FAM241A: variants seen among roughly 807,000 people sequenced by gnomAD.
The protein encoded by FAM241A is family with sequence similarity 241 member A.
A neutral mutation model predicts 12.2 loss-of-function variants in FAM241A; 7 were observed. That is an observed-to-expected ratio of 0.58 (90% CI 0.33 to 1.08). FAM241A has a LOEUF of 1.08. FAM241A is among the 50% of genes least tolerant of loss of function. The probability of loss-of-function intolerance (pLI) is 0.04; values close to 1 mark genes in which losing one functional copy is unlikely to be tolerated. For synonymous variants in FAM241A, 74 were observed against 68.2 expected (o/e 1.08, Z -0.42); for missense variants, 161 against 169.7 (o/e 0.95, Z 0.29).
chr4:112,193,718 G>C lies in FAM241A; in HGVS notation c.*6780G>C, dbSNP rs1251077030. 6.6e-6 allele frequency: 1 copy of C among 152,004 alleles called. No individual in the cohort carries two copies. Among genetic ancestry groups the C allele is most frequent in the Non-Finnish European group, 1.5e-5 (1 of 68,026 alleles). 9.4% of individuals were successfully genotyped at this position (152,004 alleles called of 1,614,324 possible). On this transcript the variant is annotated 3_prime_UTR_variant, in exon 2 of 2. Transcript: ENST00000309733. ...TTCCATTGATCTATATCTCTGTTTT[G>C]GTACCAGTACCATGCTGTTTTGGTT...
intron 1 of FAM241A, among the ~76,000 whole-genome samples, chr4:112,166,637 G>C (rs879482039): frequency 6.6e-6 from 1 of 152,136 alleles, no homozygotes; most frequent in Non-Finnish European, 1.5e-5. Flanking sequence ...ATCCTGGCTG[G>C]CTGATTTGGG....
chr4:112,151,604 C>A (rs146340726), intron 1 of FAM241A, among the ~76,000 whole-genome samples: 1 of 152,248 alleles, frequency 6.6e-6, no homozygotes, highest in Admixed American at 6.5e-5. Flanking sequence ...TGCCCATGGA[C>A]CACATTTTGG....
At chr4:112,184,751 A>AT (rs528558880) in intron 1 of FAM241A, among the ~76,000 whole-genome samples, 3 of 151,888 alleles carry the variant, frequency 2.0e-5, no homozygotes, top group South Asian at 2.1e-4. Context: ...CAAAAGTTAG[A>AT]TTTTTTTTCA....
chr4:112,149,882 C>T (rs1025710575), intron 1 of FAM241A, among the ~76,000 whole-genome samples: 1 of 151,878 alleles, frequency 6.6e-6, no homozygotes, highest in African/African-American at 2.4e-5. Context: ...AATATTTTCT[C>T]TGCTTGCTAT....
chr4:112,145,962 G>C (rs796222010), intron 1 of FAM241A, among the ~76,000 whole-genome samples: 1 of 152,014 alleles, frequency 6.6e-6, no homozygotes, highest in Admixed American at 6.5e-5. Context: ...CCGGGGTCGC[G>C]TGTCTGGCGG....
chr4:112,146,776 C>T (rs1723146080), intron 1 of FAM241A, among the ~76,000 whole-genome samples: 2 of 152,200 alleles, frequency 1.3e-5, no homozygotes, highest in South Asian at 4.1e-4. Flanking sequence ...ACTTAGGAAA[C>T]AGAGTAATAC....
intron 1 of FAM241A, among the ~76,000 whole-genome samples, chr4:112,168,549 T>G (rs1267497759): frequency 6.6e-6 from 1 of 152,232 alleles, no homozygotes; most frequent in East Asian, 1.9e-4. Context: ...GTTAGATTCA[T>G]AAGTACTGTT....
At chr4:112,179,943 A>ATATATATATATATATATATATGTG (rs1553921438) in intron 1 of FAM241A, among the ~76,000 whole-genome samples, 1 of 129,514 alleles carries the variant, frequency 7.7e-6, no homozygotes, top group Non-Finnish European at 1.6e-5. Flanking sequence ...ATATATGTAT[A>ATATATATATATATATATATATGTG]TGTGTGTGTG....
rs751157231 is a variant in FAM241A at position 112,186,719 on chromosome 4, T to C, written c.180T>C (p.Thr60=). The change falls in exon 2 of 2, where the codon ACT becomes ACC. Residue 60 remains threonine (T), a synonymous_variant. Coordinates refer to ENST00000309733, the MANE Select transcript of FAM241A (RefSeq NM_152400.3). Reference sequence around the variant, plus strand: ...ATGTTGAAGACTCACAGAACCACACTGGTGAGCCGGTTGGAGATGACTACA... The same window carrying C: ...ATGTTGAAGACTCACAGAACCACACCGGTGAGCCGGTTGGAGATGACTACA... ...EQDVEDSQNH[T]GEPVGDDYKK... is the part of the protein sequence containing the mutation. 5 of 1,613,538 alleles carry C rather than the reference T, an allele frequency of 3.1e-6. No homozygotes were observed. The highest frequency in any genetic ancestry group is 4.2e-6 in the Non-Finnish European group (5 of 1,179,664).
At chr4:112,176,274 A>T (rs895107912) in intron 1 of FAM241A, among the ~76,000 whole-genome samples, 1 of 152,242 alleles carries the variant, frequency 6.6e-6, no homozygotes, top group African/African-American at 2.4e-5. Context: ...TACAATAGAG[A>T]ATAGAAGTAA....
chr4:112,183,545 A>G (rs113994900), intron 1 of FAM241A, among the ~76,000 whole-genome samples: 36 of 152,258 alleles, frequency 2.4e-4, no homozygotes, highest in African/African-American at 8.7e-4. Context: ...AAACCTTCAG[A>G]CAGTACCTAC....
chr4:112,190,914 C>G lies in FAM241A; in HGVS notation c.*3976C>G, dbSNP rs544567336. The G allele has an allele frequency of 9.8e-5, 15 of 152,358 alleles. 1 individual carries two copies. The highest frequency in any genetic ancestry group is 3.4e-4 in the African/African-American group (14 of 41,550). The allele number at this position is 152,358 out of a possible 1,614,324, so 9.4% of individuals were successfully genotyped here. A position where few individuals can be genotyped will look rare whatever the true frequency, so the allele number is the denominator to read the frequency against. ...ACACAGCAGCTCGGCAATGTCACCACTCCCGTGGCTGCAGAGTTACCATTT... is the reference window on the plus strand; with the variant it reads ...ACACAGCAGCTCGGCAATGTCACCAGTCCCGTGGCTGCAGAGTTACCATTT... On this transcript the variant is annotated 3_prime_UTR_variant, in exon 2 of 2. Coordinates refer to ENST00000309733, the MANE Select transcript of FAM241A (RefSeq NM_152400.3).
intron 1 of FAM241A, among the ~76,000 whole-genome samples, chr4:112,150,496 A>G (rs1723226112): frequency 2.0e-5 from 3 of 152,366 alleles, no homozygotes; most frequent in African/African-American, 7.2e-5. Context: ...ATAATGTCTC[A>G]TTTCTATTTC....
At chr4:112,168,142 A>C (rs1352390876) in intron 1 of FAM241A, among the ~76,000 whole-genome samples, 2 of 152,204 alleles carry the variant, frequency 1.3e-5, no homozygotes, top group Non-Finnish European at 2.9e-5. Context: ...CATTCACCTA[A>C]AGTTAAAACA....
At position 112,171,341 on chromosome 4, in the gene FAM241A, C is replaced by A. The variant is rs1578375956; in HGVS notation, c.154-15352C>A. Reference sequence around the variant, plus strand: ...ATGCCCAGGGAAAGCGGTGTTACGACAAGAAGCAGAGTGACTATGGGGGAC... The same window carrying A: ...ATGCCCAGGGAAAGCGGTGTTACGAAAAGAAGCAGAGTGACTATGGGGGAC... On this transcript the variant is annotated intron_variant, in intron 1 of 1. Coordinates refer to ENST00000309733, the MANE Select transcript of FAM241A (RefSeq NM_152400.3). 3.7e-5 allele frequency: 28 copies of A among 754,106 alleles called. No individual in the cohort carries two copies. In the East Asian group the frequency reaches 7.0e-4, roughly 19 times the overall value. The allele number at this position is 754,106 out of a possible 1,614,324, so 46.7% of individuals were successfully genotyped here. A position where few individuals can be genotyped will look rare whatever the true frequency, so the allele number is the denominator to read the frequency against.
chr4:112,177,162 A>T (rs1200668206), intron 1 of FAM241A, among the ~76,000 whole-genome samples: 1 of 152,202 alleles, frequency 6.6e-6, no homozygotes, highest in African/African-American at 2.4e-5. Context: ...GTACAGGATG[A>T]AAATGAGAAT....
At chr4:112,167,097 G>C (rs1723613887) in intron 1 of FAM241A, among the ~76,000 whole-genome samples, 1 of 140,886 alleles carries the variant, frequency 7.1e-6, no homozygotes, top group South Asian at 2.3e-4. Flanking sequence ...CTGGGCGACA[G>C]AGCGAGACTC....
chr4:112,155,092 C>T (rs574065045), intron 1 of FAM241A, among the ~76,000 whole-genome samples: 1 of 151,984 alleles, frequency 6.6e-6, no homozygotes, highest in Non-Finnish European at 1.5e-5. Context: ...TTCTTGAGTT[C>T]GTGGCCCACA....
chr4:112,170,442 A>G (rs1723693570), intron 1 of FAM241A, among the ~76,000 whole-genome samples: 1 of 152,224 alleles, frequency 6.6e-6, no homozygotes, highest in Non-Finnish European at 1.5e-5. Context: ...ATAATAATAT[A>G]CTGTAATAAA....
Sources: allele counts gnomAD v4.1 joint callset (sites outside exome capture counted in the v4.1 genomes callset), GRCh38; gene constraint gnomAD v4.1.1; transcripts MANE v1.5; gene names NCBI Gene and HGNC (gene_info 2026-07-23, HGNC 2026-07-21).